Variants in CEP57L1 observed in about 807,000 individuals in gnomAD.
The protein encoded by CEP57L1 is centrosomal protein CEP57L1.
Under a neutral mutation model 61.0 loss-of-function variants are expected in CEP57L1, and 37 were observed. That is an observed-to-expected ratio of 0.61 (90% CI 0.47 to 0.80). The LOEUF (loss-of-function observed/expected upper bound fraction) is 0.80, where lower values mean the gene tolerates loss of function less well. Ranked by LOEUF, CEP57L1 falls within the 30% of genes least tolerant of loss-of-function variation. The probability of loss-of-function intolerance (pLI) is 0.00; values close to 1 mark genes in which losing one functional copy is unlikely to be tolerated. For synonymous variants in CEP57L1, 137 were observed against 162.3 expected (o/e 0.84, Z 1.19); for missense variants, 422 against 524.7 (o/e 0.80, Z 1.91).
intron 7 of CEP57L1, 195 bp from the exon 8 acceptor site, chr6:109,158,830 C>T (rs567262564): frequency 1.5e-4 from 90 of 604,088 alleles, no homozygotes; most frequent in African/African-American, 1.4e-3. Context: ...TTTTAACTCG[C>T]ATTTCCATAA....
In CEP57L1 at chr6:109,169,036, G is replaced by A. The variant is rs1290941131; in HGVS notation, c.*6066G>A. ...AGCTCAGGAGTTCAAGACCACCCTG[G>A]GCGACATGGTGAAATCCCATCTCTA... On this transcript the variant is annotated 3_prime_UTR_variant, in exon 11 of 11. Transcript: ENST00000517392. Among the ~76,000 whole-genome samples the A allele has an allele frequency of 6.6e-6, 1 of 151,430 alleles. No homozygotes were observed. Among genetic ancestry groups the A allele is most frequent in the Non-Finnish European group, 1.5e-5 (1 of 67,802 alleles).
chr6:109,096,128 A>G (rs1459002824), intron 1 of CEP57L1, among the ~76,000 whole-genome samples: 1 of 152,188 alleles, frequency 6.6e-6, no homozygotes, highest in Non-Finnish European at 1.5e-5. Flanking sequence ...TTTTCAAAAG[A>G]TTCAGTCATT....
intron 1 of CEP57L1, among the ~76,000 whole-genome samples, chr6:109,111,641 A>G (rs1259208115): frequency 6.6e-6 from 1 of 152,158 alleles, no homozygotes; most frequent in Non-Finnish European, 1.5e-5. Context: ...CCCATTCAGT[A>G]TGATATTGGC....
At chr6:109,107,717 G>GATC (rs1771099936) in intron 1 of CEP57L1, among the ~76,000 whole-genome samples, 1 of 152,070 alleles carries the variant, frequency 6.6e-6, no homozygotes, top group Non-Finnish European at 1.5e-5. Flanking sequence ...AAGGTAGGTG[G>GATC]ATCACTTGAG....
chr6:109,106,678 C>T (rs1287392995), intron 1 of CEP57L1, among the ~76,000 whole-genome samples: 1 of 152,078 alleles, frequency 6.6e-6, no homozygotes, highest in Non-Finnish European at 1.5e-5. Flanking sequence ...CCTGTAATCC[C>T]AGCACTTTGG....
At chr6:109,131,104 T>A (rs1411073105) in intron 1 of CEP57L1, among the ~76,000 whole-genome samples, 1 of 152,204 alleles carries the variant, frequency 6.6e-6, no homozygotes, top group Non-Finnish European at 1.5e-5. Flanking sequence ...TTACATTAAG[T>A]AGATCAATTC....
chr6:109,140,916 C>T (rs532904377), intron 1 of CEP57L1, among the ~76,000 whole-genome samples: 2 of 151,850 alleles, frequency 1.3e-5, no homozygotes, highest in African/African-American at 2.4e-5. Context: ...CTGCAAGCTC[C>T]GCCTCCCGGG....
chr6:109,124,884 C>A (rs544500072), intron 1 of CEP57L1: 1 of 152,174 alleles, frequency 6.6e-6, no homozygotes, highest in South Asian at 2.1e-4. Context: ...TCCTATGTAG[C>A]ATAATTAAGT....
At chr6:109,155,391 C>A in intron 6 of CEP57L1, 84 bp downstream of exon 6, 1 of 709,744 alleles carries the variant, frequency 1.4e-6, no homozygotes, top group Non-Finnish European at 2.1e-6. Flanking sequence ...AGCCTATGTT[C>A]TAGATTCTAA....
At chr6:109,157,753 G>T (rs1253739406) in intron 7 of CEP57L1, 2 of 152,162 alleles carry the variant, frequency 1.3e-5, no homozygotes, top group African/African-American at 4.8e-5. Flanking sequence ...TCTATAAACA[G>T]GAACTATTGA....
chr6:109,160,372 T>G (rs1240655946), intron 9 of CEP57L1, among the ~76,000 whole-genome samples, 200 bp from the exon 10 acceptor site: 3 of 152,194 alleles, frequency 2.0e-5, no homozygotes, highest in Non-Finnish European at 4.4e-5. Context: ...AAGATATTTC[T>G]AAAGGTATTT....
intron 2 of CEP57L1, 47 bp downstream of exon 2, chr6:109,145,428 A>G: frequency 1.5e-6 from 2 of 1,329,558 alleles, no homozygotes; most frequent in Non-Finnish European, 2.0e-6. Context: ...ATGCTATAAA[A>G]AACTTTTCAT....
chr6:109,125,354 C>T (rs967891333), intron 1 of CEP57L1, among the ~76,000 whole-genome samples: 1 of 151,826 alleles, frequency 6.6e-6, no homozygotes, highest in Non-Finnish European at 1.5e-5. Flanking sequence ...CTCATTCCTC[C>T]TTAGGCAGCC....
chr6:109,171,634 T>C lies in CEP57L1; in HGVS notation c.*8664T>C, dbSNP rs58362207. Among the ~76,000 whole-genome samples, 18,962 of 152,128 alleles carry C rather than the reference T, an allele frequency of 0.12. 1,331 individuals carry two copies. The highest frequency in any genetic ancestry group is 0.21 in the Middle Eastern group (63 of 294). On this transcript the variant is annotated 3_prime_UTR_variant, in exon 11 of 11. Transcript: ENST00000517392. Reference sequence around the variant, plus strand: ...ATAAAAAACATAAACCACTAAAAGATTAAAGCATTTAGGAGTTTATATGCA... The same window carrying C: ...ATAAAAAACATAAACCACTAAAAGACTAAAGCATTTAGGAGTTTATATGCA...
Position 109,173,774 on chromosome 6 carries a change from A to G in CEP57L1, c.*10804A>G, listed in dbSNP as rs527531497. ...TGTCCATTAGAAATAGAAATCAGTCACATGCTATGATTTCAATATGTCACT... is the reference window on the plus strand; with the variant it reads ...TGTCCATTAGAAATAGAAATCAGTCGCATGCTATGATTTCAATATGTCACT... On this transcript the variant is annotated 3_prime_UTR_variant, in exon 11 of 11. Transcript: ENST00000517392. Among the ~76,000 whole-genome samples, 5 of 151,900 alleles carry G rather than the reference A, an allele frequency of 3.3e-5. 1 individual carries two copies. In the Middle Eastern group the frequency reaches 0.01, roughly 310 times the overall value.
chr6:109,104,471 G>GT (rs1400623173), intron 1 of CEP57L1, among the ~76,000 whole-genome samples: 2 of 152,130 alleles, frequency 1.3e-5, no homozygotes, highest in Non-Finnish European at 2.9e-5. Flanking sequence ...TTCAAGTTAT[G>GT]TTTTGTTTTA....
At chr6:109,108,180 G>A (rs997984905) in intron 1 of CEP57L1, among the ~76,000 whole-genome samples, 61 of 151,956 alleles carry the variant, frequency 4.0e-4, no homozygotes, top group African/African-American at 1.4e-3. Context: ...GTAGTGTTCT[G>A]GAGGAGTCTC....
chr6:109,133,370 G>T, intron 1 of CEP57L1, among the ~76,000 whole-genome samples: 1 of 152,088 alleles, frequency 6.6e-6, no homozygotes, highest in East Asian at 1.9e-4. Flanking sequence ...TAGGGTTTGC[G>T]CTCCTATGAA....
intron 3 of CEP57L1, among the ~76,000 whole-genome samples, chr6:109,148,946 G>A (rs1422118843): frequency 5.9e-5 from 9 of 152,240 alleles, no homozygotes; most frequent in Admixed American, 2.6e-4. Flanking sequence ...CATGTCCTTC[G>A]CCCACTTGTT....
Sources: allele counts gnomAD v4.1 joint callset (sites outside exome capture counted in the v4.1 genomes callset), GRCh38; gene constraint gnomAD v4.1.1; transcripts MANE v1.5; gene names NCBI Gene and HGNC (gene_info 2026-07-23, HGNC 2026-07-21).